The following BNC2 variants were observed in gnomAD, a reference collection of about 807,000 sequenced individuals.
The protein encoded by BNC2 is zinc finger protein basonuclin-2.
A neutral mutation model predicts 76.3 loss-of-function variants in BNC2; 20 were observed. That is an observed-to-expected ratio of 0.26 (90% CI 0.18 to 0.38). The LOEUF (loss-of-function observed/expected upper bound fraction) is 0.38, where lower values mean the gene tolerates loss of function less well. Ranked by LOEUF, BNC2 falls within the 10% of genes least tolerant of loss-of-function variation. BNC2 has a pLI of 1.00. For synonymous variants in BNC2, 582 were observed against 514.8 expected (o/e 1.13, Z -1.77); for missense variants, 1,382 against 1,399.8 (o/e 0.99, Z 0.20).
At chr9:16,858,771 G>A (rs985641241) in intron 1 of BNC2, among the ~76,000 whole-genome samples, 6 of 151,888 alleles carry the variant, frequency 4.0e-5, no homozygotes, top group Non-Finnish European at 5.9e-5. Flanking sequence ...GCGTGAACCC[G>A]GGAGGCGGAG....
At chr9:16,490,301 G>A (rs997404438) in intron 5 of BNC2, among the ~76,000 whole-genome samples, 15 of 152,118 alleles carry the variant, frequency 9.9e-5, no homozygotes, top group East Asian at 5.8e-4. Context: ...AAGCAAAAGC[G>A]GAAACCCCTG....
At chr9:16,441,166 T>A (rs1294386539) in intron 5 of BNC2, among the ~76,000 whole-genome samples, 1 of 152,086 alleles carries the variant, frequency 6.6e-6, no homozygotes, top group African/African-American at 2.4e-5. Flanking sequence ...TAGCCAAGTG[T>A]GGTGGTCCGT....
At chr9:16,467,404 T>C (rs983511693) in intron 5 of BNC2, among the ~76,000 whole-genome samples, 1 of 149,398 alleles carries the variant, frequency 6.7e-6, no homozygotes, top group African/African-American at 2.5e-5. Context: ...GCGGCACTAT[T>C]CACAATAGCA....
intron 2 of BNC2, among the ~76,000 whole-genome samples, chr9:16,737,813 G>A (rs1006195047): frequency 2.6e-5 from 4 of 152,066 alleles, no homozygotes; most frequent in African/African-American, 9.7e-5. Flanking sequence ...ATAGTGATTG[G>A]CTTTGATGGA....
chr9:16,653,683 A>ATCTGG (rs2133972553), intron 3 of BNC2, among the ~76,000 whole-genome samples: 1 of 152,248 alleles, frequency 6.6e-6, no homozygotes, highest in Admixed American at 6.5e-5. Context: ...TGTGGGGTTC[A>ATCTGG]TCTGGTCGGC....
intron 1 of BNC2, among the ~76,000 whole-genome samples, chr9:16,832,795 G>A (rs563517387): frequency 9.9e-5 from 15 of 151,850 alleles, no homozygotes; most frequent in African/African-American, 2.9e-4. Context: ...GCGCGATCTC[G>A]GCTTACTGCA....
At chr9:16,622,045 A>C (rs1820880718) in intron 3 of BNC2, among the ~76,000 whole-genome samples, 1 of 152,092 alleles carries the variant, frequency 6.6e-6, no homozygotes, top group South Asian at 2.1e-4. Context: ...ATTCTTGTCC[A>C]TTTCAATCTC....
At chr9:16,618,587 C>A (rs538913866) in intron 3 of BNC2, among the ~76,000 whole-genome samples, 1 of 152,194 alleles carries the variant, frequency 6.6e-6, no homozygotes, top group African/African-American at 2.4e-5. Context: ...ACTTAATATA[C>A]CCTAGGATAA....
At chr9:16,545,818 G>T (rs377750891) in intron 5 of BNC2, among the ~76,000 whole-genome samples, 1 of 152,012 alleles carries the variant, frequency 6.6e-6, no homozygotes, top group Non-Finnish European at 1.5e-5. Flanking sequence ...CTTCTCTCAG[G>T]GTTGCCACCT....
chr9:16,506,340 T>C (rs972957446), intron 5 of BNC2, among the ~76,000 whole-genome samples: 1 of 152,094 alleles, frequency 6.6e-6, no homozygotes, highest in Non-Finnish European at 1.5e-5. Context: ...AGGAAAGTCC[T>C]GGATATAACT....
intron 1 of BNC2, among the ~76,000 whole-genome samples, chr9:16,741,990 C>T (rs80107402): frequency 0.049 from 7,090 of 143,574 alleles, 600 homozygotes; most frequent in African/African-American, 0.17. Context: ...GACAACAACA[C>T]GTATACCTTG....
intron 1 of BNC2, among the ~76,000 whole-genome samples, chr9:16,787,894 G>A (rs554964385): frequency 7.6e-4 from 116 of 152,182 alleles, no homozygotes; most frequent in African/African-American, 2.7e-3. Flanking sequence ...CCTTAGCCAG[G>A]ATGCAGCTTC....
chr9:16,826,196 G>C, intron 1 of BNC2, among the ~76,000 whole-genome samples: 1 of 137,016 alleles, frequency 7.3e-6, no homozygotes, highest in Non-Finnish European at 1.6e-5. Flanking sequence ...GGACACAACA[G>C]CCCCCCTTTC....
intron 3 of BNC2, among the ~76,000 whole-genome samples, chr9:16,664,714 A>C (rs571052588): frequency 4.4e-4 from 65 of 147,212 alleles, no homozygotes; most frequent in African/African-American, 1.6e-3. Flanking sequence ...CAAAAAAAAC[A>C]AAAAAAAACA....
intron 3 of BNC2, among the ~76,000 whole-genome samples, chr9:16,652,742 T>G (rs1200332533): frequency 6.6e-6 from 1 of 152,144 alleles, no homozygotes; most frequent in East Asian, 1.9e-4. Context: ...AGCTCAATCT[T>G]ATGGACAGAA....
At chr9:16,607,815 T>C (rs184743011) in intron 3 of BNC2, among the ~76,000 whole-genome samples, 7 of 152,352 alleles carry the variant, frequency 4.6e-5, no homozygotes, top group African/African-American at 1.4e-4. Flanking sequence ...ACCTAACTTA[T>C]AGATTAACAA....
chr9:16,842,812 T>G (rs1033399741), intron 1 of BNC2, among the ~76,000 whole-genome samples: 2 of 152,200 alleles, frequency 1.3e-5, no homozygotes, highest in Non-Finnish European at 2.9e-5. Flanking sequence ...CTTGCTGCAG[T>G]GCCATCTCGG....
chr9:16,615,227 G>GAC (rs1404105463), intron 3 of BNC2, among the ~76,000 whole-genome samples: 2 of 152,200 alleles, frequency 1.3e-5, no homozygotes, highest in Admixed American at 6.5e-5. Context: ...CTTCCTAGAT[G>GAC]TCATAATTTT....
chr9:16,504,695 G>C (rs975355110), intron 5 of BNC2, among the ~76,000 whole-genome samples: 5 of 152,002 alleles, frequency 3.3e-5, no homozygotes, highest in African/African-American at 1.2e-4. Flanking sequence ...TAGAACTGTG[G>C]AACCAGCCAG....
Sources: gnomAD v4.1 joint callset for allele counts (sites outside exome capture counted in the v4.1 genomes callset) on GRCh38, gnomAD v4.1.1 for gene constraint, MANE v1.5 for transcripts, NCBI Gene and HGNC (gene_info 2026-07-23, HGNC 2026-07-21) for gene names.